SUMF1: variants seen among roughly 807,000 people sequenced by gnomAD.
SUMF1 encodes formylglycine-generating enzyme.
A neutral mutation model predicts 47.6 loss-of-function variants in SUMF1; 48 were observed. The ratio of observed to expected loss-of-function variants is 1.01; its 90% CI spans 0.80 to 1.28. The LOEUF (loss-of-function observed/expected upper bound fraction) is 1.28, where lower values mean the gene tolerates loss of function less well. Among genes scored for constraint, SUMF1 ranks in the 50% most tolerant of loss-of-function variants. The probability of loss-of-function intolerance (pLI) is 0.00; values close to 1 mark genes in which losing one functional copy is unlikely to be tolerated. For synonymous variants in SUMF1, 230 were observed against 192.1 expected (o/e 1.20, Z -1.63); for missense variants, 571 against 485.4 (o/e 1.18, Z -1.66).
At position 4,129,123 on chromosome 3, in the gene SUMF1, G is replaced by A. The variant is rs549404100; in HGVS notation, c.1015-60378C>T. Among the ~76,000 whole-genome samples the A allele has an allele frequency of 1.2e-4, 19 of 152,238 alleles. No homozygotes were observed. The South Asian group carries it at 3.9e-3, about 32-fold the overall frequency. ...TGCCTTGCAAAACAGATTCGTGAGG[G>A]CAGCACTTGCATCTTTGAAGAGCCC... On this transcript the variant is annotated intron_variant and NMD_transcript_variant, in intron 8 of 12. Transcript: ENST00000448413.
intron 8 of SUMF1, among the ~76,000 whole-genome samples, chr3:4,094,985 T>C (rs1352156022): frequency 6.6e-6 from 1 of 152,086 alleles, no homozygotes; most frequent in Non-Finnish European, 1.5e-5. Context: ...TAAAACCTTA[T>C]GATCAATTGG....
At chr3:4,296,090 G>A (rs1220610856) in intron 8 of SUMF1, among the ~76,000 whole-genome samples, 1 of 145,666 alleles carries the variant, frequency 6.9e-6, no homozygotes, top group Non-Finnish European at 1.5e-5. Flanking sequence ...TTTTCTTATA[G>A]AAAAATGACC....
At chr3:4,073,170 A>T (rs900600684) in intron 8 of SUMF1, among the ~76,000 whole-genome samples, 2 of 152,184 alleles carry the variant, frequency 1.3e-5, no homozygotes, top group African/African-American at 4.8e-5. Flanking sequence ...AAGAGAGTGG[A>T]AGCCAATATT....
At chr3:4,221,114 T>C (rs1286634578) in intron 8 of SUMF1, among the ~76,000 whole-genome samples, 1 of 152,142 alleles carries the variant, frequency 6.6e-6, no homozygotes, top group Non-Finnish European at 1.5e-5. Context: ...CAGAGAAGTG[T>C]CGCATGCCTT....
intron 8 of SUMF1, chr3:4,312,839 G>T (rs1683557109): frequency 1.3e-6 from 2 of 1,521,876 alleles, no homozygotes; most frequent in African/African-American, 1.4e-5. Flanking sequence ...AAGCTACTTG[G>T]AATATATAGG....
At chr3:4,355,398 C>T (rs760590339) in intron 8 of SUMF1, among the ~76,000 whole-genome samples, 9 of 152,084 alleles carry the variant, frequency 5.9e-5, no homozygotes, top group South Asian at 4.1e-4. Context: ...GAGATTAAAA[C>T]GACATCCTTC....
intron 3 of SUMF1, among the ~76,000 whole-genome samples, chr3:4,437,135 G>C (rs1445869920): frequency 6.6e-6 from 1 of 152,172 alleles, no homozygotes; most frequent in Non-Finnish European, 1.5e-5. Context: ...AAGGAATGGA[G>C]AGTACAGATA....
intron 8 of SUMF1, among the ~76,000 whole-genome samples, chr3:4,253,908 G>A (rs1165880873): frequency 2.0e-5 from 3 of 150,020 alleles, no homozygotes; most frequent in Non-Finnish European, 4.4e-5. Context: ...GCACGCAGCT[G>A]GAGATCTGAG....
chr3:4,042,321 T>C (rs955564169), intron 9 of SUMF1, among the ~76,000 whole-genome samples: 5 of 152,224 alleles, frequency 3.3e-5, no homozygotes, highest in Non-Finnish European at 5.9e-5. Flanking sequence ...ACTAAAGTTT[T>C]TTTTTGTTTG....
chr3:4,100,180 G>GA lies in SUMF1; in HGVS notation c.1015-31436dup, dbSNP rs540894490. Among the ~76,000 whole-genome samples the GA allele has an allele frequency of 2.1e-4, 32 of 150,740 alleles. No individual in the cohort carries two copies. The South Asian group carries it at 2.5e-3, about 12-fold the overall frequency. ...TCTAACGTAATTCTTCACAGAAATC[G>GA]AAAAAAAATCCTAAAATTCATATGG... On this transcript the variant is annotated intron_variant and NMD_transcript_variant, in intron 8 of 12. Coordinates refer to the SUMF1 transcript ENST00000448413.
chr3:4,296,320 A>G (rs1312269769), intron 8 of SUMF1, among the ~76,000 whole-genome samples: 1 of 151,388 alleles, frequency 6.6e-6, no homozygotes, highest in East Asian at 1.9e-4. Flanking sequence ...AAAAAAAAAA[A>G]GCTTACCCAT....
intron 6 of SUMF1, among the ~76,000 whole-genome samples, chr3:4,411,565 C>G (rs1701542840): frequency 6.6e-6 from 1 of 152,068 alleles, no homozygotes; most frequent in Non-Finnish European, 1.5e-5. Flanking sequence ...GTCTCTGAAA[C>G]CTGAGTCTGA....
At chr3:4,417,299 G>C in intron 5 of SUMF1, 57 bp from the exon 6 acceptor site, 1 of 1,424,018 alleles carries the variant, frequency 7.0e-7, no homozygotes, top group South Asian at 1.1e-5. Context: ...TTGGATGAAA[G>C]TCAAGAGAAG....
At chr3:4,179,595 A>G (rs1232572750) in intron 8 of SUMF1, among the ~76,000 whole-genome samples, 7 of 152,208 alleles carry the variant, frequency 4.6e-5, no homozygotes, top group Admixed American at 4.6e-4. Flanking sequence ...AAACCCGAGA[A>G]GAAAACCTAG....
chr3:4,166,877 A>G (rs1051895550), intron 8 of SUMF1, among the ~76,000 whole-genome samples: 2 of 152,112 alleles, frequency 1.3e-5, no homozygotes, highest in South Asian at 4.1e-4. Flanking sequence ...AACTCTGAAG[A>G]GTCGGGGGTG....
At chr3:4,384,461 T>C (rs1430797730) in intron 7 of SUMF1, among the ~76,000 whole-genome samples, 1 of 152,210 alleles carries the variant, frequency 6.6e-6, no homozygotes, top group Non-Finnish European at 1.5e-5. Flanking sequence ...CTTTTATAGT[T>C]ACGACCACTT....
At chr3:4,420,485 C>G (rs1404274142) in intron 3 of SUMF1, among the ~76,000 whole-genome samples, 1 of 151,540 alleles carries the variant, frequency 6.6e-6, no homozygotes, top group Non-Finnish European at 1.5e-5. Flanking sequence ...CAACCTCCGC[C>G]TCCCAGGTTC....
At chr3:4,349,599 G>C (rs182177295) in intron 8 of SUMF1, among the ~76,000 whole-genome samples, 27 of 152,286 alleles carry the variant, frequency 1.8e-4, no homozygotes, top group African/African-American at 6.0e-4. Flanking sequence ...GCCCATCAAT[G>C]GTAGACTGGA....
intron 8 of SUMF1, among the ~76,000 whole-genome samples, chr3:4,085,206 ACTT>A (rs1408478903): frequency 1.3e-5 from 2 of 152,086 alleles, no homozygotes; most frequent in Non-Finnish European, 2.9e-5. Context: ...GTTTCCCAGT[ACTT>A]CAAGTAGGGA....
Sources: gnomAD v4.1 joint callset for allele counts (sites outside exome capture counted in the v4.1 genomes callset) on GRCh38, gnomAD v4.1.1 for gene constraint, MANE v1.5 for transcripts, NCBI Gene and HGNC (gene_info 2026-07-23, HGNC 2026-07-21) for gene names.